DLG1: variants seen among roughly 807,000 people sequenced by gnomAD.
The protein encoded by DLG1 is disks large homolog 1.
In DLG1, 42 loss-of-function variants were observed where a neutral mutation model predicts 123.4. The ratio of observed to expected loss-of-function variants is 0.34; its 90% CI spans 0.27 to 0.44. The LOEUF (loss-of-function observed/expected upper bound fraction) is 0.44, where lower values mean the gene tolerates loss of function less well. Among genes scored for constraint, DLG1 ranks in the 20% least tolerant of loss-of-function variants. The pLI is 1.00. For synonymous variants in DLG1, 317 were observed against 356.2 expected (o/e 0.89, Z 1.24); for missense variants, 942 against 1,082.6 (o/e 0.87, Z 1.82).
chr3:197,082,364 C>T (rs1353473631), intron 16 of DLG1, among the ~76,000 whole-genome samples: 5 of 151,804 alleles, frequency 3.3e-5, no homozygotes, highest in East Asian at 1.9e-4. Context: ...AGCAAGACTC[C>T]GTCCCCCACC....
At chr3:197,152,157 C>T (rs1048171455) in intron 5 of DLG1, among the ~76,000 whole-genome samples, 1 of 152,150 alleles carries the variant, frequency 6.6e-6, no homozygotes, top group East Asian at 1.9e-4. Flanking sequence ...GTATTGCTAT[C>T]TTTTCACAGA....
In DLG1 at chr3:197,282,674, C is replaced by A; in HGVS notation, c.318+5G>T. The A allele has an allele frequency of 6.6e-7, 1 of 1,518,012 alleles. No homozygotes were observed. The highest frequency in any genetic ancestry group is 1.4e-5 in the South Asian group (1 of 72,470). 94.0% of individuals were successfully genotyped at this position (1,518,012 alleles called of 1,614,324 possible). A position where few individuals can be genotyped will look rare whatever the true frequency, so the allele number is the denominator to read the frequency against. Reference sequence around the variant, plus strand: ...AACAGCTTCAGAACACATTTTTTATCTCACCTCTACACTAGGGCTAAGGCT... The same window carrying A: ...AACAGCTTCAGAACACATTTTTTATATCACCTCTACACTAGGGCTAAGGCT... On this transcript the variant is annotated splice_donor_5th_base_variant and intron_variant, in intron 4 of 24. Coordinates refer to ENST00000667157, the MANE Select transcript of DLG1 (RefSeq NM_001366207.1).
intron 5 of DLG1, among the ~76,000 whole-genome samples, chr3:197,163,687 A>ATTTTTTTTTTTTTTTTTTTTTT (rs56865627): frequency 2.0e-5 from 2 of 102,034 alleles, no homozygotes; most frequent in Non-Finnish European, 3.8e-5. Context: ...ATGCTCAGCT[A>ATTTTTTTTTTTTTTTTTTTTTT]TTTTTTTTTT....
At chr3:197,168,117 C>T (rs760964187) in intron 5 of DLG1, among the ~76,000 whole-genome samples, 2 of 152,186 alleles carry the variant, frequency 1.3e-5, no homozygotes, top group African/African-American at 2.4e-5. Context: ...ACATTTTAAT[C>T]CCACTTGTAA....
At chr3:197,207,074 C>T (rs1460804715) in intron 4 of DLG1, among the ~76,000 whole-genome samples, 1 of 152,208 alleles carries the variant, frequency 6.6e-6, no homozygotes, top group East Asian at 1.9e-4. Flanking sequence ...TTTCTAGCTG[C>T]CTCTGTGATG....
chr3:197,093,545 A>G (rs776957527), intron 14 of DLG1, among the ~76,000 whole-genome samples: 2 of 145,958 alleles, frequency 1.4e-5, no homozygotes, highest in African/African-American at 2.5e-5. Context: ...TGCACAATAT[A>G]GAAAGATGTC....
intron 24 of DLG1, among the ~76,000 whole-genome samples, chr3:197,050,237 G>A (rs1278126172): frequency 6.6e-6 from 1 of 151,608 alleles, no homozygotes; most frequent in Non-Finnish European, 1.5e-5. Context: ...CGTGGTGGCA[G>A]CTGCCTGTAG....
At chr3:197,064,378 A>C (rs1475412435) in intron 22 of DLG1, among the ~76,000 whole-genome samples, 1 of 152,040 alleles carries the variant, frequency 6.6e-6, no homozygotes, top group African/African-American at 2.4e-5. Flanking sequence ...TGTTTAGTAG[A>C]GACGGGGTTT....
intron 18 of DLG1, among the ~76,000 whole-genome samples, chr3:197,072,615 T>C (rs1744666234): frequency 6.6e-6 from 1 of 151,888 alleles, no homozygotes; most frequent in African/African-American, 2.4e-5. Flanking sequence ...TATAAAGATA[T>C]TATCCTTGTG....
chr3:197,137,922 T>C (rs1003346365), intron 9 of DLG1, among the ~76,000 whole-genome samples: 3 of 151,056 alleles, frequency 2.0e-5, no homozygotes, highest in African/African-American at 7.3e-5. Context: ...CAGTAAGCCA[T>C]GACTGCACCA....
chr3:197,203,659 TTAC>T (rs1179713529), intron 4 of DLG1, among the ~76,000 whole-genome samples: 1 of 152,218 alleles, frequency 6.6e-6, no homozygotes, highest in Admixed American at 6.5e-5. Flanking sequence ...CCACAGACAT[TTAC>T]TACATTTCTT....
intron 3 of DLG1, among the ~76,000 whole-genome samples, chr3:197,290,896 G>GT (rs1491529285): frequency 2.1e-4 from 4 of 18,658 alleles, no homozygotes; most frequent in African/African-American, 5.3e-4. Flanking sequence ...TCTCCAAATA[G>GT]TAAAAAAAAA....
chr3:197,173,565 A>T (rs909247876), intron 5 of DLG1, among the ~76,000 whole-genome samples: 4 of 152,194 alleles, frequency 2.6e-5, no homozygotes, highest in Admixed American at 2.6e-4. Flanking sequence ...AAATAGTTCA[A>T]AAAGAGATTT....
At chr3:197,148,417 A>G (rs1314918177) in intron 6 of DLG1, among the ~76,000 whole-genome samples, 4 of 147,462 alleles carry the variant, frequency 2.7e-5, no homozygotes, top group Non-Finnish European at 5.9e-5. Context: ...TCAAGAAAAA[A>G]AAAAAAAAAA....
In DLG1 at chr3:197,069,238, G is replaced by A. The variant is rs1008400948; in HGVS notation, c.2028C>T (p.Ser676=). ...DADQHVTSNA[S]DSESSYRGQE... ...ACTTACGGTAACTACTTTCACTATC[G>A]CTGGCATTAGAAGTTACATGCTCTG... is the stretch of plus-strand genomic sequence containing the variant. The change falls in exon 19 of 25, where the codon AGC becomes AGT. Residue 676 remains serine, a synonymous_variant. Transcript: ENST00000667157. The A allele has an allele frequency of 1.9e-6, 3 of 1,585,806 alleles. No homozygotes were observed. The highest frequency in any genetic ancestry group is 1.7e-6 in the Non-Finnish European group (2 of 1,165,434).
chr3:197,094,341 C>G (rs1288679864), intron 14 of DLG1, among the ~76,000 whole-genome samples: 1 of 152,170 alleles, frequency 6.6e-6, no homozygotes, highest in Non-Finnish European at 1.5e-5. Context: ...CACAGTCTCA[C>G]TATATGGTTT....
chr3:197,158,852 T>C (rs1797611537), intron 5 of DLG1, among the ~76,000 whole-genome samples: 1 of 152,176 alleles, frequency 6.6e-6, no homozygotes, highest in Non-Finnish European at 1.5e-5. Context: ...AAATTAGCTC[T>C]TAAAGCATTT....
intron 23 of DLG1, among the ~76,000 whole-genome samples, chr3:197,056,096 C>T (rs1314791654): frequency 3.9e-5 from 6 of 152,168 alleles, no homozygotes; most frequent in African/African-American, 1.4e-4. Context: ...AAACCTTCCC[C>T]TGGAAGTCAT....
chr3:197,121,440 G>A (rs114834721), intron 11 of DLG1, among the ~76,000 whole-genome samples: 237 of 152,096 alleles, frequency 1.6e-3, no homozygotes, highest in Middle Eastern at 3.4e-3. Flanking sequence ...GGAAAAGACT[G>A]GTGTCCAAAT....
Sources: gnomAD v4.1 joint callset for allele counts (sites outside exome capture counted in the v4.1 genomes callset) on GRCh38, gnomAD v4.1.1 for gene constraint, MANE v1.5 for transcripts, NCBI Gene and HGNC (gene_info 2026-07-23, HGNC 2026-07-21) for gene names.